The following ADAP1 variants were observed in gnomAD, a reference collection of about 807,000 sequenced individuals.
The protein encoded by ADAP1 is arf-GAP with dual PH domain-containing protein 1.
In ADAP1, 31 loss-of-function variants were observed where a neutral mutation model predicts 54.9. The observed-to-expected ratio is 0.56, with a 90% CI of 0.42 to 0.76. The LOEUF is 0.76. Among genes scored for constraint, ADAP1 ranks in the 30% least tolerant of loss-of-function variants. The pLI is 0.00. For synonymous variants in ADAP1, 313 were observed against 202.6 expected (o/e 1.55, Z -4.63); for missense variants, 535 against 512.4 (o/e 1.04, Z -0.42).
At chr7:900,893 C>T (rs1028380139) in intron 6 of ADAP1, 9 of 592,278 alleles carry the variant, frequency 1.5e-5, no homozygotes, top group African/African-American at 9.6e-5. Context: ...AGGGCCGGGC[C>T]GGGCCGGGCT....
intron 4 of ADAP1, among the ~76,000 whole-genome samples, chr7:919,291 G>A (rs1174467182): frequency 1.3e-5 from 2 of 152,170 alleles, no homozygotes; most frequent in Non-Finnish European, 2.9e-5. Flanking sequence ...GGAGACAGGG[G>A]TCCCTGCAGG....
chr7:954,824 T>TCGCCCGC (rs1391410299), upstream of ADAP1: 2 of 608,632 alleles, frequency 3.3e-6, no homozygotes, highest in Non-Finnish European at 4.1e-6. Flanking sequence ...CGCTGGGAAA[T>TCGCCCGC]CGCCCGCCGC....
chr7:904,357 G>C (rs1236450133), intron 5 of ADAP1, 85 bp from the exon 6 acceptor site: 12 of 1,489,514 alleles, frequency 8.1e-6, no homozygotes, highest in African/African-American at 1.4e-5. Flanking sequence ...GTGGGTGCTG[G>C]CGGCGCACCT....
rs1847117387 is a variant in ADAP1, at chr7:945,582, G to A, written c.82+8814C>T. ...TGGGCCCAAGGGTGGCTGCGGCATG[G>A]CTGATGTGGTGGTGGAGATGGAGGC... On this transcript the variant is annotated intron_variant, in intron 1 of 10. Coordinates refer to ENST00000265846, the MANE Select transcript of ADAP1 (RefSeq NM_006869.4). The surrounding 1 kb of genome is among the most constrained non-coding windows in gnomAD (Gnocchi z 4.2). Among the ~76,000 whole-genome samples the A allele has an allele frequency of 6.6e-6, 1 of 152,250 alleles. No individual in the cohort carries two copies. Among genetic ancestry groups the A allele is most frequent in the Admixed American group, 6.5e-5 (1 of 15,282 alleles).
chr7:930,800 CA>C (rs1846549004), intron 2 of ADAP1, among the ~76,000 whole-genome samples: 1 of 131,976 alleles, frequency 7.6e-6, no homozygotes, highest in Admixed American at 7.7e-5. Context: ...GCCTGGGAGA[CA>C]GTGAGACTGT....
chr7:943,715 GGAGGAAGGGAGAGAGGAGGAAGGGAGA>G (rs1237068375), intron 1 of ADAP1, among the ~76,000 whole-genome samples: 1 of 15,518 alleles, frequency 6.4e-5, no homozygotes, highest in Non-Finnish European at 1.2e-4. Context: ...AAGGGAGAGA[GGAGGAAGGGAGAGAGGAGGAAGGGAGA>G]GAGGAGGAAG....
At chr7:921,281 C>T (rs1197971131) in intron 3 of ADAP1, among the ~76,000 whole-genome samples, 1 of 152,212 alleles carries the variant, frequency 6.6e-6, no homozygotes, top group Admixed American at 6.5e-5. Context: ...TCCAGGACAA[C>T]CTCACAACCT....
chr7:912,335 C>T (rs1206250177), intron 4 of ADAP1, among the ~76,000 whole-genome samples: 6 of 152,308 alleles, frequency 3.9e-5, no homozygotes, highest in South Asian at 2.1e-4. Context: ...CGGCCCGAGG[C>T]GGGGCCAGCC....
At chr7:911,454 C>T (rs930091618) in intron 4 of ADAP1, among the ~76,000 whole-genome samples, 1 of 152,192 alleles carries the variant, frequency 6.6e-6, no homozygotes, top group African/African-American at 2.4e-5. Context: ...CCCCAAGCCC[C>T]AAACCCTGAG....
upstream of ADAP1, chr7:955,272 A>G: frequency 6.5e-7 from 1 of 1,548,382 alleles, no homozygotes; most frequent in South Asian, 1.2e-5. Context: ...CAGGTAACAA[A>G]AAACCTGGTT....
chr7:913,684 C>G (rs891645539), intron 4 of ADAP1, among the ~76,000 whole-genome samples: 14 of 152,222 alleles, frequency 9.2e-5, no homozygotes, highest in African/African-American at 2.6e-4. Flanking sequence ...CCTATAATCT[C>G]AGCACTTTGG....
At chr7:921,875 C>G (rs1035369805) in intron 3 of ADAP1, among the ~76,000 whole-genome samples, 5 of 152,194 alleles carry the variant, frequency 3.3e-5, no homozygotes, top group Non-Finnish European at 5.9e-5. Flanking sequence ...ACCACGCCTG[C>G]CAACGGCCCT....
Position 954,466 on chromosome 7 carries a change from C to A in ADAP1, c.12G>T (p.Glu4Asp), listed in dbSNP as rs1181709820. 2 of 1,050,792 alleles carry A rather than the reference C, an allele frequency of 1.9e-6. No homozygotes were observed. The highest frequency in any genetic ancestry group is 2.3e-6 in the Non-Finnish European group (2 of 873,804). 65.1% of individuals were successfully genotyped at this position (1,050,792 alleles called of 1,614,324 possible). A position where few individuals can be genotyped will look rare whatever the true frequency, so the allele number is the denominator to read the frequency against. MAK[E>D]RRRAVLELLQ... is the part of the protein sequence containing the mutation. The stretch of plus-strand genomic sequence containing the variant: ...GCAGCTCCAGGACCGCCCTGCGCCG[C>A]TCCTTGGCCATGGCCGCGATGCGCC... Residue 4 changes from glutamate to aspartate, a missense_variant, in exon 1 of 11, where the codon GAG becomes GAT. Glu to Asp is a conservative substitution (Grantham distance 45). Transcript: ENST00000265846.
intron 6 of ADAP1, chr7:901,132 G>A: frequency 2.3e-6 from 1 of 431,788 alleles, no homozygotes; most frequent in South Asian, 1.7e-5. Context: ...TCTCCAGGGA[G>A]CCGCCCTGGT....
chr7:926,359 C>CACCCCA lies in ADAP1; in HGVS notation c.305+193_305+194insTGGGGT, dbSNP rs55956927. Among the ~76,000 whole-genome samples the CACCCCA allele has an allele frequency of 0.35, 51,561 of 149,376 alleles. 9,068 individuals carry two copies. The highest frequency in any genetic ancestry group is 0.39 in the East Asian group (1,957 of 5,016). ...TTCCCAGCCCCACCCCAGCGCCCCC[C>CACCCCA]GCCCCAGAACCAAAGCCCGGTGGTG... On this transcript the variant is annotated intron_variant, in intron 3 of 10. Transcript: ENST00000265846. The surrounding 1 kb of genome is among the most constrained non-coding windows in gnomAD (Gnocchi z 4.6).
intron 6 of ADAP1, among the ~76,000 whole-genome samples, chr7:903,339 C>G (rs896514646): frequency 2.0e-5 from 3 of 152,142 alleles, no homozygotes; most frequent in Non-Finnish European, 4.4e-5. Flanking sequence ...CCTCTACTTC[C>G]ACGTGGGAAG....
At position 938,640 on chromosome 7, in the gene ADAP1, G is replaced by A. The variant is rs958204263; in HGVS notation, c.83-3135C>T. 7.9e-5 allele frequency among the ~76,000 whole-genome samples: 12 copies of A among 152,272 alleles called. No homozygotes were observed. Among genetic ancestry groups the A allele is most frequent in the African/African-American group, 2.2e-4 (9 of 41,552 alleles). On this transcript the variant is annotated intron_variant, in intron 1 of 10. Coordinates refer to ENST00000265846, the MANE Select transcript of ADAP1 (RefSeq NM_006869.4). The surrounding 1 kb of genome is among the most constrained non-coding windows in gnomAD (Gnocchi z 4.4). ...CTCGGTACGTGGCTGTGCGAGGGGCGCCCAGAAGGCACGCCAGTCTCCGGG... is the reference window on the plus strand; with the variant it reads ...CTCGGTACGTGGCTGTGCGAGGGGCACCCAGAAGGCACGCCAGTCTCCGGG...
At chr7:932,458 G>T (rs761161147) in intron 2 of ADAP1, among the ~76,000 whole-genome samples, 1 of 152,196 alleles carries the variant, frequency 6.6e-6, no homozygotes, top group Non-Finnish European at 1.5e-5. Context: ...GAGCCAAGGA[G>T]TCTGTGCCCC....
chr7:912,643 C>G (rs559528913), intron 4 of ADAP1, among the ~76,000 whole-genome samples: 257 of 152,354 alleles, frequency 1.7e-3, no homozygotes, highest in African/African-American at 5.9e-3. Flanking sequence ...AGAGGGGCTT[C>G]CCTGCCACAG....
Sources: allele counts gnomAD v4.1 joint callset (sites outside exome capture counted in the v4.1 genomes callset), GRCh38; gene constraint gnomAD v4.1.1; non-coding constraint Gnocchi (gnomAD v3.1); transcripts MANE v1.5; gene names NCBI Gene and HGNC (gene_info 2026-07-23, HGNC 2026-07-21).